Variants in ALPK3 observed in about 807,000 individuals in gnomAD.
ALPK3 encodes the protein alpha-protein kinase 3.
ALPK3 carries 102 observed loss-of-function variants against 140.0 expected under a neutral mutation model. That is an observed-to-expected ratio of 0.73 (90% CI 0.62 to 0.86). The LOEUF (loss-of-function observed/expected upper bound fraction) is 0.86, where lower values mean the gene tolerates loss of function less well. ALPK3 is among the 40% of genes least tolerant of loss of function. The pLI is 0.00. For synonymous variants in ALPK3, 938 were observed against 898.5 expected, an observed-to-expected ratio of 1.04 and a Z score of -0.79; for missense variants, 2,254 against 2,208.2, an observed-to-expected ratio of 1.02 and a Z score of -0.42.
intron 5 of ALPK3, among the ~76,000 whole-genome samples, chr15:84,842,897 C>T (rs538519422): frequency 1.8e-4 from 28 of 152,304 alleles, no homozygotes; most frequent in Admixed American, 1.8e-3. Flanking sequence ...CCTGACAGCC[C>T]ACAGGCTGGA....
chr15:84,854,192 T>G (rs1421085965), intron 5 of ALPK3, among the ~76,000 whole-genome samples: 1 of 132,232 alleles, frequency 7.6e-6, no homozygotes, highest in Admixed American at 7.4e-5. Context: ...TTCAGTTTTA[T>G]ATAATACCAT....
intron 4 of ALPK3, 152 bp from the exon 5 acceptor site, chr15:84,839,550 A>C: frequency 1.2e-6 from 1 of 855,068 alleles, no homozygotes; most frequent in Non-Finnish European, 1.8e-6. Flanking sequence ...AGGGTGTTGT[A>C]TGTTGTGACG....
chr15:84,856,508 G>A lies in ALPK3; in HGVS notation c.1770G>A (p.Met590Ile), dbSNP rs1481449541. The A allele has an allele frequency of 1.2e-6, 2 of 1,614,142 alleles. No homozygotes were observed. Among genetic ancestry groups the A allele is most frequent in the South Asian group, 1.1e-5 (1 of 91,076 alleles). The change falls in exon 6 of 14, where the codon ATG (methionine) becomes ATA (isoleucine). Residue 590 changes from methionine (M) to isoleucine (I), a missense_variant. Transcript: ENST00000258888. ...GSQGIIEPMDMETQEDGRTSA... is the reference protein window; with the variant it reads ...GSQGIIEPMDIETQEDGRTSA... ...AAGGTATCATTGAACCCATGGATATGGAAACCCAGGAGGATGGGAGAACAT... is the reference window on the plus strand; with the variant it reads ...AAGGTATCATTGAACCCATGGATATAGAAACCCAGGAGGATGGGAGAACAT...
At chr15:84,823,704 C>A (rs1245221468) in intron 2 of ALPK3, among the ~76,000 whole-genome samples, 2 of 152,148 alleles carry the variant, frequency 1.3e-5, no homozygotes, top group Non-Finnish European at 2.9e-5. Context: ...CATGACCCAC[C>A]TCTTCCCCAT....
intron 3 of ALPK3, among the ~76,000 whole-genome samples, chr15:84,831,621 T>C (rs1468448881): frequency 6.6e-6 from 1 of 152,236 alleles, no homozygotes; most frequent in East Asian, 1.9e-4. Flanking sequence ...TTTCCTTGCA[T>C]AGTTTTTCTT....
At chr15:84,838,566 G>T (rs556930135) in intron 3 of ALPK3, among the ~76,000 whole-genome samples, 1 of 151,668 alleles carries the variant, frequency 6.6e-6, no homozygotes, top group South Asian at 2.1e-4. Flanking sequence ...TCTTCAGGTG[G>T]TCTGGGAAGC....
At chr15:84,867,951 G>A (rs1964019575) in intron 13 of ALPK3, among the ~76,000 whole-genome samples, 160 bp from the exon 14 acceptor site, 1 of 152,052 alleles carries the variant, frequency 6.6e-6, no homozygotes, top group Non-Finnish European at 1.5e-5. Flanking sequence ...TTTGGCTGCT[G>A]CCACCTGAGG....
Position 84,840,569 on chromosome 15 carries a change from G to A in ALPK3, c.1290G>A (p.Gly430=). The A allele has an allele frequency of 6.3e-7, 1 of 1,582,552 alleles. No homozygotes were observed. Among genetic ancestry groups the A allele is most frequent in the Non-Finnish European group, 8.6e-7 (1 of 1,166,496 alleles). Residue 430 remains glycine, a synonymous_variant, in exon 5 of 14, where the codon GGG becomes GGA. Coordinates refer to ENST00000258888, the MANE Select transcript of ALPK3 (RefSeq NM_020778.5). ...LENTQAVRPL[G]EEGPQTLSVR... Reference sequence around the variant, plus strand: ...ACACCCAGGCAGTCAGGCCTCTTGGGGAAGAGGGACCCCAGACCCTGAGTG... The same window carrying A: ...ACACCCAGGCAGTCAGGCCTCTTGGAGAAGAGGGACCCCAGACCCTGAGTG...
In ALPK3 at chr15:84,858,486, G is replaced by A; in HGVS notation, c.3748G>A (p.Glu1250Lys). The A allele has an allele frequency of 6.3e-7, 1 of 1,579,868 alleles. No individual in the cohort carries two copies. Among genetic ancestry groups the A allele is most frequent in the East Asian group, 2.3e-5 (1 of 44,026 alleles). ...PSPKAGGLDTEVALDEGKQET... is the reference protein window; with the variant it reads ...PSPKAGGLDTKVALDEGKQET... ...CCCCAAGGCCGGCGGTCTGGACACAGAGGTGGCCCTGGATGAAGGCAAGCA... is the reference window on the plus strand; with the variant it reads ...CCCCAAGGCCGGCGGTCTGGACACAAAGGTGGCCCTGGATGAAGGCAAGCA... The change falls in exon 6 of 14, where the codon GAG (glutamate) becomes AAG (lysine). Residue 1250 changes from glutamate (E) to lysine (K), a missense_variant. Around this residue, in one of 3 missense-constraint regions of ALPK3, gnomAD observed 2,088 missense variants for 2,022.9 expected, o/e 1.03. Transcript: ENST00000258888.
chr15:84,850,099 G>T (rs935409623), intron 5 of ALPK3, among the ~76,000 whole-genome samples: 1 of 132,840 alleles, frequency 7.5e-6, no homozygotes, highest in Admixed American at 7.5e-5. Context: ...AAAAAAAAAA[G>T]ACTACTATGA....
In ALPK3 at chr15:84,859,257, C is replaced by G; in HGVS notation, c.3832C>G (p.Arg1278Gly). The G allele has an allele frequency of 1.2e-6, 2 of 1,614,054 alleles. No homozygotes were observed. Among genetic ancestry groups the G allele is most frequent in the Non-Finnish European group, 1.7e-6 (2 of 1,179,976 alleles). Reference protein sequence around the residue: ...KDLLKAPQVIRKIRVEQFPDA... With the variant: ...KDLLKAPQVIGKIRVEQFPDA... ...CCTGCTCTCAGCCCCACAGGTGATC[C>G]GGAAGATTCGGGTGGAGCAGTTTCC... The change falls in exon 7 of 14, where the codon CGG (arginine) becomes GGG (glycine). Residue 1278 changes from arginine to glycine, a missense_variant. By Grantham distance (125) the Arg-to-Gly change is moderately radical. Around this residue, in one of 3 missense-constraint regions of ALPK3, gnomAD observed 2,088 missense variants for 2,022.9 expected, o/e 1.03. Transcript: ENST00000258888.
intron 3 of ALPK3, 35 bp downstream of exon 3, chr15:84,827,640 C>T: frequency 6.2e-7 from 1 of 1,612,484 alleles, no homozygotes; most frequent in Non-Finnish European, 8.5e-7. Context: ...ATGCCAGGGC[C>T]TCTGCACAGA....
chr15:84,817,397 G>C lies in ALPK3; in HGVS notation c.-56G>C. On this transcript the variant is annotated 5_prime_UTR_variant, in exon 1 of 14. Coordinates refer to ENST00000258888, the MANE Select transcript of ALPK3 (RefSeq NM_020778.5). ...GGCAGGGGCCCGGGGGCCGGGGCCT[G>C]GAGGACAGGCGAGGCAGCGGCGAGT... 7 of 1,226,910 alleles carry C rather than the reference G, an allele frequency of 5.7e-6. No individual in the cohort carries two copies. Among genetic ancestry groups the C allele is most frequent in the Non-Finnish European group, 7.1e-6 (7 of 986,894 alleles). The allele number at this position is 1,226,910 out of a possible 1,614,324, so 76.0% of individuals were successfully genotyped here.
In ALPK3 at chr15:84,857,191, G is replaced by A. The variant is rs1963874424; in HGVS notation, c.2453G>A (p.Cys818Tyr). 2.5e-6 allele frequency: 4 copies of A among 1,613,882 alleles called. No individual in the cohort carries two copies. The highest frequency in any genetic ancestry group is 2.7e-5 in the African/African-American group (2 of 74,944). Residue 818 changes from cysteine to tyrosine, a missense_variant, in exon 6 of 14, where the codon TGC becomes TAC. By Grantham distance (194) the Cys-to-Tyr change is radical (BLOSUM62 -2). Coordinates refer to ENST00000258888, the MANE Select transcript of ALPK3 (RefSeq NM_020778.5). The stretch of plus-strand genomic sequence containing the variant: ...GTGGAGCAGGTGGGAGGAGAGAGAT[G>A]CCGAGGGCCACAGTCATCAGGCCCA... Reference protein sequence around the residue: ...GSVEQVGGERCRGPQSSGPVE... With the variant: ...GSVEQVGGERYRGPQSSGPVE...
At position 84,859,919 on chromosome 15, in the gene ALPK3, G is replaced by A. The variant is rs777070276; in HGVS notation, c.4093+16G>A. ...AGCCCTGAGGGTGAGTGTGCCCCGCGGCCCGGGGTCTCAGCCTGGCCTGGC... is the reference window on the plus strand; with the variant it reads ...AGCCCTGAGGGTGAGTGTGCCCCGCAGCCCGGGGTCTCAGCCTGGCCTGGC... On this transcript the variant is annotated intron_variant, in intron 8 of 13. Transcript: ENST00000258888. 20 of 1,613,772 alleles carry A rather than the reference G, an allele frequency of 1.2e-5. No homozygotes were observed. Among genetic ancestry groups the A allele is most frequent in the Admixed American group, 1.7e-5 (1 of 60,012 alleles).
At chr15:84,849,304 C>A (rs1244552335) in intron 5 of ALPK3, among the ~76,000 whole-genome samples, 3 of 151,966 alleles carry the variant, frequency 2.0e-5, no homozygotes, top group Admixed American at 2.0e-4. Flanking sequence ...ATACAGAAAA[C>A]AATAATTATA....
At position 84,859,796 on chromosome 15, in the gene ALPK3, CGGCCTT is replaced by C; in HGVS notation, c.3991_3996del (p.Leu1331_Ala1332del). On this transcript the variant is annotated inframe_deletion, in exon 8 of 14. Coordinates refer to ENST00000258888, the MANE Select transcript of ALPK3 (RefSeq NM_020778.5). ...TGCAGCGCAGGGGATGAGGGGCCGG[CGGCCTT>C]GGCCATCGTGCAGGCCTCCCCCGTA... 6.2e-7 allele frequency: 1 copy of C among 1,612,920 alleles called. No individual in the cohort carries two copies. Among genetic ancestry groups the C allele is most frequent in the Non-Finnish European group, 8.5e-7 (1 of 1,179,840 alleles).
At chr15:84,823,471 G>A in intron 2 of ALPK3, 103 bp downstream of exon 2, 1 of 1,350,916 alleles carries the variant, frequency 7.4e-7, no homozygotes, top group South Asian at 1.2e-5. Context: ...GCTGCATGGG[G>A]TGAGGGGAGA....
intron 4 of ALPK3, 28 bp downstream of exon 4, chr15:84,839,125 C>T: frequency 6.4e-7 from 1 of 1,571,942 alleles, no homozygotes; most frequent in Non-Finnish European, 8.7e-7. Context: ...GTTTTGCTCT[C>T]TCTGCCCTCC....
Sources: gnomAD v4.1 joint callset for allele counts (sites outside exome capture counted in the v4.1 genomes callset) on GRCh38, gnomAD v4.1.1 for gene constraint, gnomAD v4.1.1 regional missense constraint, MANE v1.5 for transcripts, NCBI Gene and HGNC (gene_info 2026-07-23, HGNC 2026-07-21) for gene names.